The following VSIG10 variants were observed in gnomAD, a reference collection of about 807,000 sequenced individuals.
VSIG10 encodes the protein V-set and immunoglobulin domain-containing protein 10.
A neutral mutation model predicts 58.7 loss-of-function variants in VSIG10; 48 were observed. That is an observed-to-expected ratio of 0.82 (90% CI 0.65 to 1.04). The LOEUF (loss-of-function observed/expected upper bound fraction) is 1.04. VSIG10 is among the 50% of genes least tolerant of loss of function. The pLI is 0.00. For missense variants in VSIG10, 628 were observed against 670.0 expected, an observed-to-expected ratio of 0.94 and a Z score of 0.69; for synonymous variants, 260 against 267.1, an observed-to-expected ratio of 0.97 and a Z score of 0.26.
chr12:118,091,440 T>C (rs2033293951), intron 2 of VSIG10, among the ~76,000 whole-genome samples: 1 of 149,000 alleles, frequency 6.7e-6, no homozygotes, highest in Non-Finnish European at 1.5e-5. Flanking sequence ...TGCAGTGAGC[T>C]GAGATCGTGC....
intron 2 of VSIG10, among the ~76,000 whole-genome samples, chr12:118,083,804 C>A (rs886571347): frequency 6.6e-6 from 1 of 152,052 alleles, no homozygotes; most frequent in Non-Finnish European, 1.5e-5. Flanking sequence ...GTGTGAGCCA[C>A]CACACCTGGC....
Position 118,065,854 on chromosome 12 carries a change from G to A in VSIG10, c.*785C>T, listed in dbSNP as rs2032227597. ...GTGCAATCCCCCACCAGGGGTACAG[G>A]TCAAATCAAAGCTGAATGAAGAGCT... On this transcript the variant is annotated 3_prime_UTR_variant, in exon 9 of 9. Coordinates refer to ENST00000359236, the MANE Select transcript of VSIG10 (RefSeq NM_019086.6). 6.6e-6 allele frequency: 1 copy of A among 152,190 alleles called. No individual in the cohort carries two copies. The highest frequency in any genetic ancestry group is 2.4e-5 in the African/African-American group (1 of 41,444). The allele number at this position is 152,190 out of a possible 1,614,324, so 9.4% of individuals were successfully genotyped here. A position where few individuals can be genotyped will look rare whatever the true frequency, so the allele number is the denominator to read the frequency against.
chr12:118,066,803 A>G, intron 8 of VSIG10, 109 bp from the exon 9 acceptor site: 1 of 1,215,348 alleles, frequency 8.2e-7, no homozygotes, highest in Non-Finnish European at 1.2e-6. Context: ...GGTGAGCCAC[A>G]GAATGGGATC....
rs1416766756 is a variant in VSIG10, at chr12:118,079,780, T to C, written c.665-174A>G. Among the ~76,000 whole-genome samples, 2 of 152,164 alleles carry C rather than the reference T, an allele frequency of 1.3e-5. 1 individual carries two copies. Among genetic ancestry groups the C allele is most frequent in the African/African-American group, 4.8e-5 (2 of 41,446 alleles). ...CCTGACAACAGTCAGGCTTCCTCTG[T>C]TGGGTGTTAAATTTCCGACCTGGGT... On this transcript the variant is annotated intron_variant, in intron 3 of 8. Coordinates refer to ENST00000359236, the MANE Select transcript of VSIG10 (RefSeq NM_019086.6).
chr12:118,092,703 C>A (rs1338981461), intron 2 of VSIG10, among the ~76,000 whole-genome samples: 6 of 148,772 alleles, frequency 4.0e-5, no homozygotes, highest in African/African-American at 1.5e-4. Context: ...GGCGTGATCA[C>A]AGTTCACTGC....
rs537960267 is a variant in VSIG10, at chr12:118,103,332, C to A, written c.79+261G>T. 5.3e-5 allele frequency among the ~76,000 whole-genome samples: 8 copies of A among 152,280 alleles called. 1 individual carries two copies. Among genetic ancestry groups the A allele is most frequent in the African/African-American group, 1.9e-4 (8 of 41,570 alleles). On this transcript the variant is annotated intron_variant, in intron 1 of 8. Coordinates refer to ENST00000359236, the MANE Select transcript of VSIG10 (RefSeq NM_019086.6). ...TTTACTTTGCCCCCGCACGTCGGCT[C>A]GGCTCGGCTCCTCTGCAGCCTCACC...
intron 2 of VSIG10, among the ~76,000 whole-genome samples, chr12:118,086,596 G>T (rs2033135364): frequency 6.6e-6 from 1 of 152,076 alleles, no homozygotes; most frequent in African/African-American, 2.4e-5. Flanking sequence ...GTCAATTGAT[G>T]AAATAAACAG....
chr12:118,101,036 A>C (rs2033610283), intron 1 of VSIG10, among the ~76,000 whole-genome samples: 1 of 152,220 alleles, frequency 6.6e-6, no homozygotes, highest in Non-Finnish European at 1.5e-5. Context: ...TTGGAACTTG[A>C]GCTAACATTG....
intron 1 of VSIG10, among the ~76,000 whole-genome samples, chr12:118,100,217 C>G (rs1056646483): frequency 5.3e-5 from 8 of 151,950 alleles, no homozygotes; most frequent in Non-Finnish European, 1.0e-4. Context: ...TAAAAATTAG[C>G]TGAATGGCCG....
chr12:118,082,686 A>C (rs1566167369), intron 2 of VSIG10, among the ~76,000 whole-genome samples: 1 of 152,006 alleles, frequency 6.6e-6, no homozygotes, highest in East Asian at 1.9e-4. Flanking sequence ...AAAAACAAAA[A>C]ACTGTAAGGG....
chr12:118,071,832 T>C (rs983725242), intron 5 of VSIG10, among the ~76,000 whole-genome samples: 2 of 152,174 alleles, frequency 1.3e-5, no homozygotes, highest in Admixed American at 6.5e-5. Flanking sequence ...GTAAGTATAA[T>C]TGATATATGA....
chr12:118,070,756 T>C (rs1324584595), intron 7 of VSIG10, among the ~76,000 whole-genome samples: 2 of 152,158 alleles, frequency 1.3e-5, no homozygotes, highest in South Asian at 2.1e-4. Flanking sequence ...GACTTTGGAA[T>C]TGATTAGACC....
At chr12:118,095,322 T>C (rs1012517755) in intron 2 of VSIG10, among the ~76,000 whole-genome samples, 36 of 152,216 alleles carry the variant, frequency 2.4e-4, no homozygotes, top group African/African-American at 7.2e-4. Context: ...ATTACAGGCA[T>C]GAGCCACTGC....
intron 2 of VSIG10, among the ~76,000 whole-genome samples, chr12:118,088,311 C>G (rs2033193717): frequency 6.6e-6 from 1 of 151,708 alleles, no homozygotes; most frequent in African/African-American, 2.4e-5. Context: ...GACTATCCCA[C>G]GGGAATCCCA....
chr12:118,086,750 AATTT>A (rs2033139867), intron 2 of VSIG10, among the ~76,000 whole-genome samples: 1 of 152,050 alleles, frequency 6.6e-6, no homozygotes, highest in Non-Finnish European at 1.5e-5. Context: ...TTGTTTAATC[AATTT>A]ATTTATTTAC....
chr12:118,085,564 A>G (rs2033097332), intron 2 of VSIG10, among the ~76,000 whole-genome samples: 1 of 152,240 alleles, frequency 6.6e-6, no homozygotes, highest in Non-Finnish European at 1.5e-5. Context: ...TTTAAGAAAA[A>G]GAAAAACACA....
At position 118,068,613 on chromosome 12, in the gene VSIG10, G is replaced by A; in HGVS notation, c.1347-16C>T. ...GTTTTGTCCCCTAATTTCCAAAGGGGAAAAATAATCAAGAAGATTTCTTAT... is the reference window on the plus strand; with the variant it reads ...GTTTTGTCCCCTAATTTCCAAAGGGAAAAAATAATCAAGAAGATTTCTTAT... On this transcript the variant is annotated splice_polypyrimidine_tract_variant and intron_variant, in intron 7 of 8. Coordinates refer to ENST00000359236, the MANE Select transcript of VSIG10 (RefSeq NM_019086.6). 1.3e-6 allele frequency: 2 copies of A among 1,517,630 alleles called. No individual in the cohort carries two copies. Among genetic ancestry groups the A allele is most frequent in the South Asian group, 2.5e-5 (2 of 78,872 alleles). 94.0% of individuals were successfully genotyped at this position (1,517,630 alleles called of 1,614,324 possible). A position where few individuals can be genotyped will look rare whatever the true frequency, so the allele number is the denominator to read the frequency against.
At chr12:118,087,759 G>A (rs371872076) in intron 2 of VSIG10, among the ~76,000 whole-genome samples, 4 of 143,064 alleles carry the variant, frequency 2.8e-5, no homozygotes, top group African/African-American at 1.0e-4. Flanking sequence ...AATCACTTGA[G>A]CCTAGGAATT....
Position 118,078,961 on chromosome 12 carries a change from AAAAAAAAT to A in VSIG10, c.925+377_925+384del, listed in dbSNP as rs1169554570. Among the ~76,000 whole-genome samples the A allele has an allele frequency of 1.0e-3, 148 of 143,590 alleles. 5 individuals are homozygous for A. Among genetic ancestry groups the A allele is most frequent in the Non-Finnish European group, 1.3e-3 (90 of 67,078 alleles). The allele number at this position is 143,590 out of a possible 152,430, so 94.2% of individuals were successfully genotyped here. ...CTAAAAAAAAAAAAAAAAAAAAAAA[AAAAAAAAT>A]TTTCTTTATAAACTACCCAGCCTCA... On this transcript the variant is annotated intron_variant, in intron 4 of 8. Coordinates refer to ENST00000359236, the MANE Select transcript of VSIG10 (RefSeq NM_019086.6).
Sources: allele counts gnomAD v4.1 joint callset (sites outside exome capture counted in the v4.1 genomes callset), GRCh38; gene constraint gnomAD v4.1.1; transcripts MANE v1.5; gene names NCBI Gene and HGNC (gene_info 2026-07-23, HGNC 2026-07-21).